Variants in LARGE1 observed in about 807,000 individuals in gnomAD.
LARGE1 encodes LARGE xylosyl- and glucuronyltransferase 1.
LARGE1 carries 43 observed loss-of-function variants against 87.6 expected under a neutral mutation model. The ratio of observed to expected loss-of-function variants is 0.49; its 90% CI spans 0.38 to 0.63. The LOEUF (loss-of-function observed/expected upper bound fraction) is 0.63. Among genes scored for constraint, LARGE1 ranks in the 30% least tolerant of loss-of-function variants. The pLI is 0.00. For missense variants in LARGE1, 802 were observed against 1,000.2 expected, an observed-to-expected ratio of 0.80 and a Z score of 2.67; for synonymous variants, 434 against 394.6, an observed-to-expected ratio of 1.10 and a Z score of -1.18.
Position 33,775,390 on chromosome 22 carries a change from G to A in LARGE1, c.-82-13832C>T, listed in dbSNP as rs1450349840. On this transcript the variant is annotated intron_variant, in intron 1 of 14. Transcript: ENST00000397394. The stretch of plus-strand genomic sequence containing the variant: ...AACACCACATGGGCAAAGCTGCTAT[G>A]CGGCCTCACACTTCTCTGCCTTTCC... Among the ~76,000 whole-genome samples, 6 of 152,322 alleles carry A rather than the reference G, an allele frequency of 3.9e-5. No individual in the cohort carries two copies. The South Asian group carries it at 6.2e-4, about 16-fold the overall frequency.
At chr22:33,222,545 C>T (rs562914428) in intron 11 of LARGE1, among the ~76,000 whole-genome samples, 63 of 152,214 alleles carry the variant, frequency 4.1e-4, no homozygotes, top group African/African-American at 1.3e-3. Context: ...CTCGATTATC[C>T]GGGTAAGCTC....
At chr22:33,326,203 G>C (rs977863206) in intron 10 of LARGE1, among the ~76,000 whole-genome samples, 5 of 152,290 alleles carry the variant, frequency 3.3e-5, no homozygotes, top group Admixed American at 3.3e-4. Context: ...GGTCTGCCCA[G>C]CCCTGACCTC....
At chr22:33,812,578 T>C (rs959862757) in intron 1 of LARGE1, among the ~76,000 whole-genome samples, 1 of 152,208 alleles carries the variant, frequency 6.6e-6, no homozygotes, top group African/African-American at 2.4e-5. Context: ...CATTCATCTT[T>C]GATCCGCCGG....
At chr22:33,754,357 G>A (rs1187901489) in intron 2 of LARGE1, among the ~76,000 whole-genome samples, 2 of 147,506 alleles carry the variant, frequency 1.4e-5, no homozygotes, top group Non-Finnish European at 3.0e-5. Flanking sequence ...TTTTTTTTGA[G>A]ACGGAGTCTT....
chr22:33,295,206 T>A (rs1026290142), intron 12 of LARGE1, among the ~76,000 whole-genome samples: 1 of 152,178 alleles, frequency 6.6e-6, no homozygotes, highest in African/African-American at 2.4e-5. Context: ...GGGTCTGAGA[T>A]GCACCATCAT....
chr22:33,762,213 C>CAAAAAAAAAAAAAA (rs56832457), intron 1 of LARGE1, among the ~76,000 whole-genome samples: 1 of 84,476 alleles, frequency 1.2e-5, no homozygotes, highest in African/African-American at 5.1e-5. Flanking sequence ...GATTCTATCT[C>CAAAAAAAAAAAAAA]AAAAAAAAAA....
intron 1 of LARGE1, among the ~76,000 whole-genome samples, chr22:33,898,555 G>A (rs969806875): frequency 1.3e-5 from 2 of 152,218 alleles, no homozygotes; most frequent in African/African-American, 4.8e-5. Context: ...GGAAGTTCAA[G>A]ACCAGCCTGG....
intron 7 of LARGE1, among the ~76,000 whole-genome samples, chr22:33,394,397 AC>A (rs1384093857): frequency 2.6e-5 from 4 of 152,032 alleles, no homozygotes; most frequent in African/African-American, 7.2e-5. Context: ...ACGGGGTTTC[AC>A]CATGTTGGCC....
chr22:33,804,307 C>A (rs1161034369), intron 1 of LARGE1, among the ~76,000 whole-genome samples: 2 of 152,110 alleles, frequency 1.3e-5, no homozygotes, highest in Non-Finnish European at 1.5e-5. Flanking sequence ...CTCTAATAGC[C>A]AACGTATATG....
At chr22:33,893,357 CT>C (rs1254835373) in intron 1 of LARGE1, among the ~76,000 whole-genome samples, 1 of 152,176 alleles carries the variant, frequency 6.6e-6, no homozygotes, top group East Asian at 1.9e-4. Context: ...ATTCCATGTC[CT>C]TTCTGGATCC....
chr22:33,643,549 G>GA (rs1183514872), intron 3 of LARGE1, among the ~76,000 whole-genome samples: 1 of 151,946 alleles, frequency 6.6e-6, no homozygotes, highest in Non-Finnish European at 1.5e-5. Context: ...GAAACAAATG[G>GA]AAAAACATTC....
At chr22:33,450,599 T>A (rs1040404081) in intron 6 of LARGE1, among the ~76,000 whole-genome samples, 7 of 145,776 alleles carry the variant, frequency 4.8e-5, no homozygotes, top group Non-Finnish European at 3.0e-5. Flanking sequence ...AAAGCAAGAT[T>A]CTGTTAAATA....
chr22:33,782,887 A>C (rs977194642), intron 1 of LARGE1, among the ~76,000 whole-genome samples: 1 of 150,086 alleles, frequency 6.7e-6, no homozygotes, highest in Non-Finnish European at 1.5e-5. Flanking sequence ...TCAAGTTTAA[A>C]AAAAAAAAAA....
chr22:33,332,458 T>A (rs954025304), intron 10 of LARGE1, among the ~76,000 whole-genome samples: 4 of 152,154 alleles, frequency 2.6e-5, no homozygotes, highest in African/African-American at 9.7e-5. Context: ...GGTATGTCTT[T>A]ATCAGCAGCG....
intron 1 of LARGE1, among the ~76,000 whole-genome samples, chr22:33,793,478 T>C (rs1317238224): frequency 6.6e-6 from 1 of 152,226 alleles, no homozygotes; most frequent in African/African-American, 2.4e-5. Context: ...GCCTTAACTC[T>C]AGTTTTATTT....
chr22:33,316,136 G>A lies in LARGE1; in HGVS notation c.1400C>T (p.Pro467Leu). Residue 467 changes from proline to leucine, a missense_variant, in exon 11 of 15, where the codon CCT becomes CTT. Physicochemically the swap from Pro to Leu is moderately conservative, Grantham distance 98. This residue lies in a region of LARGE1 where 625 missense variants were observed against 841.9 expected (regional missense o/e 0.74). Coordinates refer to ENST00000397394, the MANE Select transcript of LARGE1 (RefSeq NM_133642.5). ...HLYFLHYEYE[P>L]AADSTDVTLV... ...GGTGACGTCCGTGCTGTCTGCTGCA[G>A]GCTCATACTCGTAGTGCAGGAAGTA... 2 of 1,614,114 alleles carry A rather than the reference G, an allele frequency of 1.2e-6. No individual in the cohort carries two copies. Among genetic ancestry groups the A allele is most frequent in the Non-Finnish European group, 1.7e-6 (2 of 1,180,006 alleles).
chr22:33,265,785 A>C (rs1927901130), intron 11 of LARGE1, among the ~76,000 whole-genome samples: 1 of 152,238 alleles, frequency 6.6e-6, no homozygotes, highest in African/African-American at 2.4e-5. Context: ...CACGCTGTTA[A>C]GGCTCCATAA....
chr22:33,313,848 A>G (rs1038428521), intron 11 of LARGE1, among the ~76,000 whole-genome samples: 1 of 152,196 alleles, frequency 6.6e-6, no homozygotes, highest in Non-Finnish European at 1.5e-5. Flanking sequence ...CCCTGCTAAC[A>G]TCTTCCAGAT....
At chr22:33,849,201 A>G (rs754493717) in intron 1 of LARGE1, among the ~76,000 whole-genome samples, 2 of 152,192 alleles carry the variant, frequency 1.3e-5, no homozygotes, top group Non-Finnish European at 2.9e-5. Context: ...ACCCCAGGAT[A>G]AGACGCTGCC....
Sources: allele counts gnomAD v4.1 joint callset (sites outside exome capture counted in the v4.1 genomes callset), GRCh38; gene constraint gnomAD v4.1.1; regional missense constraint gnomAD v4.1.1; transcripts MANE v1.5; gene names NCBI Gene and HGNC (gene_info 2026-07-23, HGNC 2026-07-21).